The following POMP variants were observed in gnomAD, a reference collection of about 807,000 sequenced individuals.
POMP encodes proteasome maturation protein, also known as 2510048O06Rik.
Under a neutral mutation model 20.6 loss-of-function variants are expected in POMP, and 12 were observed. The observed-to-expected ratio is 0.58, with a 90% CI of 0.37 to 0.94. The LOEUF (loss-of-function observed/expected upper bound fraction) is 0.94, where lower values mean the gene tolerates loss of function less well. Ranked by LOEUF, POMP falls within the 40% of genes least tolerant of loss-of-function variation. The probability of loss-of-function intolerance (pLI) is 0.01; values close to 1 mark genes in which losing one functional copy is unlikely to be tolerated. For synonymous variants in POMP, 53 were observed against 55.0 expected, an observed-to-expected ratio of 0.96 and a Z score of 0.16; for missense variants, 136 against 161.1, an observed-to-expected ratio of 0.84 and a Z score of 0.84.
intron 4 of POMP, 108 bp from the exon 5 acceptor site, chr13:28,672,230 GT>G: frequency 1.1e-6 from 1 of 880,974 alleles, no homozygotes; most frequent in Admixed American, 1.9e-5. Flanking sequence ...CTTGTATTTG[GT>G]TTTGCGAATT....
chr13:28,669,563 A>G (rs1279318775), intron 4 of POMP, among the ~76,000 whole-genome samples: 1 of 152,096 alleles, frequency 6.6e-6, no homozygotes, highest in African/African-American at 2.4e-5. Context: ...TATGATTTGT[A>G]GAAACGGGCT....
At chr13:28,668,684 C>T in intron 4 of POMP, 110 bp downstream of exon 4, 1 of 860,848 alleles carries the variant, frequency 1.2e-6, no homozygotes, top group South Asian at 1.4e-5. Flanking sequence ...TTCTACTTCC[C>T]TCCCCCTTTT....
chr13:28,664,401 A>T, intron 2 of POMP, 108 bp from the exon 3 acceptor site: 1 of 707,010 alleles, frequency 1.4e-6, no homozygotes, highest in East Asian at 2.7e-5. Context: ...CAGTTTTGTC[A>T]CCCCAAAAAA....
At chr13:28,676,156 C>G (rs1264888197) in intron 5 of POMP, among the ~76,000 whole-genome samples, 1 of 152,152 alleles carries the variant, frequency 6.6e-6, no homozygotes, top group Non-Finnish European at 1.5e-5. Context: ...AGGCGCCCAC[C>G]ACCACGCCTG....
intron 1 of POMP, among the ~76,000 whole-genome samples, chr13:28,659,521 G>T (rs1293840678): frequency 6.6e-6 from 1 of 152,170 alleles, no homozygotes; most frequent in South Asian, 2.1e-4. Context: ...AAAGTGCAAC[G>T]TTCTGTGGGG....
chr13:28,676,359 A>C (rs1206915152), intron 5 of POMP, among the ~76,000 whole-genome samples: 8 of 152,166 alleles, frequency 5.3e-5, no homozygotes, highest in Non-Finnish European at 1.5e-5. Flanking sequence ...AACCATATCA[A>C]CTACCTAATC....
At chr13:28,668,617 A>C (rs755479067) in intron 4 of POMP, 43 bp downstream of exon 4, 1 of 1,408,800 alleles carries the variant, frequency 7.1e-7, no homozygotes, top group Non-Finnish European at 1.0e-6. Context: ...GATATCATTC[A>C]TGAGGAATCT....
chr13:28,666,504 A>G (rs2137793534), intron 3 of POMP, among the ~76,000 whole-genome samples: 1 of 151,796 alleles, frequency 6.6e-6, no homozygotes, highest in South Asian at 2.1e-4. Context: ...TTTGAGACTT[A>G]CATACATCTA....
chr13:28,667,747 AAC>A (rs1393938872), intron 3 of POMP, among the ~76,000 whole-genome samples: 2 of 152,218 alleles, frequency 1.3e-5, no homozygotes, highest in Admixed American at 1.3e-4. Context: ...AAATCTTTGT[AAC>A]AGTCTGTTTG....
chr13:28,675,190 G>T (rs928883033), intron 5 of POMP, among the ~76,000 whole-genome samples: 1 of 151,838 alleles, frequency 6.6e-6, no homozygotes, highest in African/African-American at 2.4e-5. Flanking sequence ...ACCCAGGCTG[G>T]AGTGCAGTGG....
chr13:28,659,333 C>T (rs914673185), intron 1 of POMP, 146 bp downstream of exon 1: 1 of 1,368,312 alleles, frequency 7.3e-7, no homozygotes. Flanking sequence ...CATAATCTGT[C>T]GAGTCACGGG....
rs756025303 is a variant in POMP at position 28,659,145 on chromosome 13, C to T, written c.-40C>T. 27 of 1,574,616 alleles carry T rather than the reference C, an allele frequency of 1.7e-5. No homozygotes were observed. The highest frequency in any genetic ancestry group is 9.2e-5 in the Admixed American group (5 of 54,306). Reference sequence around the variant, plus strand: ...GGAAGTGAGCGGCGGGGTCGACTGACGGTAACGGGGCAGAGAGGCTGTTCG... The same window carrying T: ...GGAAGTGAGCGGCGGGGTCGACTGATGGTAACGGGGCAGAGAGGCTGTTCG... On this transcript the variant is annotated 5_prime_UTR_variant, in exon 1 of 6. The change creates a new upstream start codon in the 5' untranslated region. Coordinates refer to ENST00000380842, the MANE Select transcript of POMP (RefSeq NM_015932.6).
intron 3 of POMP, 135 bp downstream of exon 3, chr13:28,664,704 CCTTGTAGGATAGA>C (rs1884410852): frequency 3.3e-6 from 2 of 611,056 alleles, no homozygotes; most frequent in Non-Finnish European, 2.9e-6. Flanking sequence ...TTTTCAAACC[CCTTGTAGGATAGA>C]CTTAAAAATT....
intron 2 of POMP, among the ~76,000 whole-genome samples, chr13:28,662,884 G>A (rs1289026718): frequency 6.6e-6 from 1 of 152,186 alleles, no homozygotes; most frequent in African/African-American, 2.4e-5. Context: ...TCTGGATTCA[G>A]TCGGCCTGGG....
chr13:28,668,814 G>T (rs1626886), intron 4 of POMP, among the ~76,000 whole-genome samples: 5,102 of 148,796 alleles, frequency 0.034, 289 homozygotes, highest in African/African-American at 0.12. Context: ...GTTTTTCTGG[G>T]TTTTTTTTTT....
intron 1 of POMP, chr13:28,659,838 G>A (rs1460985290): frequency 6.5e-6 from 1 of 152,736 alleles, no homozygotes; most frequent in African/African-American, 2.4e-5. Context: ...TATTTGAGAA[G>A]AACACTGAGT....
At chr13:28,665,434 C>T (rs1216545492) in intron 3 of POMP, among the ~76,000 whole-genome samples, 2 of 151,990 alleles carry the variant, frequency 1.3e-5, no homozygotes, top group Non-Finnish European at 2.9e-5. Context: ...AAAAAAATTC[C>T]TCATCGATTT....
chr13:28,664,561 G>T lies in POMP; in HGVS notation c.154G>T (p.Glu52Ter). Reference protein sequence around the residue: ...LLPSHPLELSEKNFQLNQDKM... With the variant: ...LLPSHPLELS ...GCCTAGTCATCCCCTTGAATTATCA[G>T]AAAAAAATGTAAGTATATTATTATG... Residue 52 changes from glutamate (E) to a stop codon, truncating the protein, a stop_gained, in exon 3 of 6, where the codon GAA (glutamate) becomes TAA (stop). Transcript: ENST00000380842. LOFTEE classifies it high-confidence loss of function. 1 of 1,531,496 alleles carries T rather than the reference G, an allele frequency of 6.5e-7. No individual in the cohort carries two copies. Among genetic ancestry groups the T allele is most frequent in the Non-Finnish European group, 9.0e-7 (1 of 1,110,318 alleles). The allele number at this position is 1,531,496 out of a possible 1,614,324, so 94.9% of individuals were successfully genotyped here.
chr13:28,660,089 C>G (rs1016241397), intron 1 of POMP, among the ~76,000 whole-genome samples: 1 of 151,934 alleles, frequency 6.6e-6, no homozygotes, highest in African/African-American at 2.4e-5. Flanking sequence ...ATAACAGAAT[C>G]CAGAAGTCAG....
Sources: gnomAD v4.1 joint callset for allele counts (sites outside exome capture counted in the v4.1 genomes callset) on GRCh38, gnomAD v4.1.1 for gene constraint, MANE v1.5 for transcripts, NCBI Gene and HGNC (gene_info 2026-07-23, HGNC 2026-07-21) for gene names.